The following XRN2 variants were observed in gnomAD, a reference collection of about 807,000 sequenced individuals.
The protein encoded by XRN2 is DHM1-like protein.
XRN2 carries 44 observed loss-of-function variants against 138.5 expected under a neutral mutation model. The ratio of observed to expected loss-of-function variants is 0.32; its 90% CI spans 0.25 to 0.41. The LOEUF (loss-of-function observed/expected upper bound fraction) is 0.41. Among genes scored for constraint, XRN2 ranks in the 10% least tolerant of loss-of-function variants. XRN2 has a pLI of 1.00. For missense variants in XRN2, 937 were observed against 1,169.3 expected, an observed-to-expected ratio of 0.80 and a Z score of 2.90; for synonymous variants, 354 against 369.4, an observed-to-expected ratio of 0.96 and a Z score of 0.48.
chr20:21,371,454 G>A (rs112667590), intron 27 of XRN2, among the ~76,000 whole-genome samples: 15 of 152,226 alleles, frequency 9.9e-5, no homozygotes, highest in African/African-American at 3.4e-4. Flanking sequence ...TACAGAGTCA[G>A]TGGTCCTGTG....
chr20:21,381,307 G>A (rs1033877905), intron 27 of XRN2, among the ~76,000 whole-genome samples: 1 of 152,172 alleles, frequency 6.6e-6, no homozygotes, highest in Non-Finnish European at 1.5e-5. Flanking sequence ...GTGACTGCAA[G>A]CTGTGGTTCG....
At chr20:21,315,685 G>T (rs2122173821) in intron 1 of XRN2, among the ~76,000 whole-genome samples, 1 of 152,210 alleles carries the variant, frequency 6.6e-6, no homozygotes, top group African/African-American at 2.4e-5. Flanking sequence ...GTTGAGACAG[G>T]GTTTTGCCAT....
intron 17 of XRN2, 116 bp downstream of exon 17, chr20:21,346,666 C>A: frequency 7.6e-7 from 1 of 1,311,904 alleles, no homozygotes; most frequent in Non-Finnish European, 1.0e-6. Context: ...GTCACCTGGG[C>A]GGGAGGGCAA....
intron 14 of XRN2, 101 bp downstream of exon 14, chr20:21,339,189 T>C (rs1463571497): frequency 8.0e-7 from 1 of 1,251,334 alleles, no homozygotes; most frequent in African/African-American, 1.5e-5. Context: ...CAGTAGGACT[T>C]AGTCAGGGAC....
chr20:21,344,984 AG>A (rs2038418178), intron 16 of XRN2, among the ~76,000 whole-genome samples: 2 of 152,260 alleles, frequency 1.3e-5, no homozygotes. Context: ...CTTCTTTTAC[AG>A]GACATGGAAA....
chr20:21,322,300 A>T (rs141274148), intron 1 of XRN2, among the ~76,000 whole-genome samples: 24 of 152,360 alleles, frequency 1.6e-4, no homozygotes, highest in Middle Eastern at 3.4e-3. Context: ...CTAATCACCC[A>T]TAAGTGTTAA....
chr20:21,360,529 G>A (rs2038626124), intron 24 of XRN2, among the ~76,000 whole-genome samples: 2 of 150,390 alleles, frequency 1.3e-5, no homozygotes, highest in African/African-American at 4.9e-5. Context: ...TGTTCATAGT[G>A]TTGCAACCAG....
chr20:21,354,856 C>T lies in XRN2; in HGVS notation c.2004C>T (p.Asp668=), dbSNP rs1394703653. The T allele has an allele frequency of 6.2e-7, 1 of 1,613,688 alleles. No homozygotes were observed. The highest frequency in any genetic ancestry group is 8.5e-7 in the Non-Finnish European group (1 of 1,179,784). Residue 668 remains aspartate (D), a synonymous_variant, in exon 21 of 30, where the codon GAC becomes GAT. Coordinates refer to ENST00000377191, the MANE Select transcript of XRN2 (RefSeq NM_012255.5). The stretch of plus-strand genomic sequence containing the variant: ...CTGCCCTAGAAGAGGTATACCCAGA[C>T]CTCACTCCAGAAGAGAGTAAGAATT... ...LRAALEEVYP[D]LTPEETRRNS...
At position 21,366,762 on chromosome 20, in the gene XRN2, T is replaced by C. The variant is rs6113213; in HGVS notation, c.2456+1058T>C. On this transcript the variant is annotated intron_variant, in intron 26 of 29. Coordinates refer to ENST00000377191, the MANE Select transcript of XRN2 (RefSeq NM_012255.5). The stretch of plus-strand genomic sequence containing the variant: ...AACACATTATTGTACACCACAAATA[T>C]CTAACAGACCATAAAATACAACTGT... Among the ~76,000 whole-genome samples, 571 of 152,298 alleles carry C rather than the reference T, an allele frequency of 3.7e-3. 7 individuals carry two copies. The highest frequency in any genetic ancestry group is 0.013 in the African/African-American group (556 of 41,554).
intron 13 of XRN2, among the ~76,000 whole-genome samples, chr20:21,337,609 C>T (rs1461703955): frequency 6.6e-6 from 1 of 152,140 alleles, no homozygotes; most frequent in African/African-American, 2.4e-5. Context: ...GATCCAAGTA[C>T]TGGGCCCAGG....
chr20:21,357,909 A>T (rs2038595173), intron 24 of XRN2, 117 bp downstream of exon 24: 5 of 754,150 alleles, frequency 6.6e-6, no homozygotes, highest in Non-Finnish European at 1.1e-5. Flanking sequence ...CAATGCTTCG[A>T]GATTGGAGAG....
intron 27 of XRN2, among the ~76,000 whole-genome samples, chr20:21,369,322 A>G (rs1343402464): frequency 6.6e-6 from 1 of 152,214 alleles, no homozygotes; most frequent in Non-Finnish European, 1.5e-5. Flanking sequence ...CTGTTGATGC[A>G]CACTTAGGTT....
Position 21,344,140 on chromosome 20 carries a change from T to C in XRN2, c.1461T>C (p.Ser487=), listed in dbSNP as rs2038406768. Residue 487 remains serine, a synonymous_variant, in exon 16 of 30, where the codon TCT becomes TCC. Transcript: ENST00000377191. ...GTTTCACATCTGATGGCTCCCCGTC[T>C]CCATTAGGAGGAATTAAGCGAAAAG... ...NTSFTSDGSP[S]PLGGIKRKAE... The C allele has an allele frequency of 3.7e-6, 6 of 1,613,432 alleles. No individual in the cohort carries two copies. The highest frequency in any genetic ancestry group is 5.1e-6 in the Non-Finnish European group (6 of 1,179,466).
At chr20:21,373,452 T>C (rs757392063) in intron 27 of XRN2, among the ~76,000 whole-genome samples, 3 of 152,234 alleles carry the variant, frequency 2.0e-5, no homozygotes, top group African/African-American at 7.2e-5. Flanking sequence ...AATGCACATA[T>C]GTAAACACTC....
intron 7 of XRN2, 50 bp from the exon 8 acceptor site, chr20:21,331,718 C>A: frequency 6.3e-7 from 1 of 1,590,686 alleles, no homozygotes; most frequent in Non-Finnish European, 8.6e-7. Context: ...AAGTGATATT[C>A]TTGTGGTATA....
intron 15 of XRN2, among the ~76,000 whole-genome samples, chr20:21,341,428 T>G (rs2038370789): frequency 6.6e-6 from 1 of 152,242 alleles, no homozygotes; most frequent in African/African-American, 2.4e-5. Context: ...ACTCCCTGTT[T>G]GTGAACTCAG....
At position 21,389,386 on chromosome 20, in the gene XRN2, G is replaced by A; in HGVS notation, c.*48G>A. 6.5e-7 allele frequency: 1 copy of A among 1,540,794 alleles called. No individual in the cohort carries two copies. Among genetic ancestry groups the A allele is most frequent in the South Asian group, 1.2e-5 (1 of 83,432 alleles). ...TCCTTTCATCATTCTACAGTTTTAT[G>A]CTATTTGTGGAAAGATTTCTTTCTC... On this transcript the variant is annotated 3_prime_UTR_variant, in exon 30 of 30. Transcript: ENST00000377191.
chr20:21,312,034 T>C (rs906052627), intron 1 of XRN2, among the ~76,000 whole-genome samples: 1 of 152,146 alleles, frequency 6.6e-6, no homozygotes, highest in Non-Finnish European at 1.5e-5. Context: ...TAGATTTAAA[T>C]CTGTCATCTT....
At chr20:21,326,657 G>C (rs1176425105) in intron 3 of XRN2, 56 bp downstream of exon 3, 2 of 1,386,394 alleles carry the variant, frequency 1.4e-6, no homozygotes, top group African/African-American at 1.5e-5. Context: ...TGTGTTACCA[G>C]TGTCTAGAAT....
Sources: allele counts gnomAD v4.1 joint callset (sites outside exome capture counted in the v4.1 genomes callset), GRCh38; gene constraint gnomAD v4.1.1; transcripts MANE v1.5; gene names NCBI Gene and HGNC (gene_info 2026-07-23, HGNC 2026-07-21).